RFX7: variants seen among roughly 807,000 people sequenced by gnomAD.
RFX7 encodes regulatory factor X7, also known as DNA-binding protein RFX7.
Under a neutral mutation model 111.8 loss-of-function variants are expected in RFX7, and 26 were observed. That is an observed-to-expected ratio of 0.23 (90% CI 0.17 to 0.32). The LOEUF (loss-of-function observed/expected upper bound fraction) is 0.32, where lower values mean the gene tolerates loss of function less well. RFX7 is among the 10% of genes least tolerant of loss of function. The pLI, the probability that RFX7 is intolerant of heterozygous loss-of-function variation, is 1.00. For synonymous variants in RFX7, 624 were observed against 624.4 expected, an observed-to-expected ratio of 1.00 and a Z score of 0.01; for missense variants, 1,573 against 1,772.9, an observed-to-expected ratio of 0.89 and a Z score of 2.02.
In RFX7 at chr15:56,159,792, G is replaced by A. The variant is rs529243107; in HGVS notation, c.196-15309C>T. 1.6e-4 allele frequency among the ~76,000 whole-genome samples: 25 copies of A among 152,306 alleles called. No individual in the cohort carries two copies. In the Middle Eastern group the frequency reaches 0.01, roughly 62 times the overall value. ...GATGGACTACAGAGAACCAGAGAGAGTTTTAAATGTCTTATTACCAGAACT... is the reference window on the plus strand; with the variant it reads ...GATGGACTACAGAGAACCAGAGAGAATTTTAAATGTCTTATTACCAGAACT... On this transcript the variant is annotated intron_variant, in intron 3 of 9. Transcript: ENST00000559447.
At position 56,093,329 on chromosome 15, in the gene RFX7, T is replaced by C; in HGVS notation, c.*16A>G. 1 of 1,585,744 alleles carries C rather than the reference T, an allele frequency of 6.3e-7. No individual in the cohort carries two copies. Among genetic ancestry groups the C allele is most frequent in the Non-Finnish European group, 8.6e-7 (1 of 1,165,996 alleles). The stretch of plus-strand genomic sequence containing the variant: ...ATGTCTTTAGATACAGTGTGCTACA[T>C]GTTATAAAACACAATTTAACCCAAC... On this transcript the variant is annotated 3_prime_UTR_variant, in exon 10 of 10. Coordinates refer to ENST00000559447, the MANE Select transcript of RFX7 (RefSeq NM_022841.7).
At chr15:56,201,846 C>T (rs753114632) in intron 2 of RFX7, among the ~76,000 whole-genome samples, 10 of 152,138 alleles carry the variant, frequency 6.6e-5, no homozygotes, top group African/African-American at 9.6e-5. Flanking sequence ...CTGGCTAACA[C>T]GGTGAAACCC....
At chr15:56,117,313 G>A (rs1318029757) in intron 5 of RFX7, among the ~76,000 whole-genome samples, 1 of 152,122 alleles carries the variant, frequency 6.6e-6, no homozygotes, top group African/African-American at 2.4e-5. Context: ...GTGTTAGGGT[G>A]GGTGGAGGGT....
intron 2 of RFX7, among the ~76,000 whole-genome samples, chr15:56,212,585 G>A (rs2043323827): frequency 6.6e-6 from 1 of 152,072 alleles, no homozygotes; most frequent in Non-Finnish European, 1.5e-5. Context: ...TAATGGGGAG[G>A]CTATGCATGT....
rs373974122 is a variant in RFX7 at position 56,134,861 on chromosome 15, A to G, written c.401+7917T>C. Reference sequence around the variant, plus strand: ...TCCCCACCTATGAGTGAGAATATGCAGTGTTTGGTTTTTTGTTCTTGCGAT... The same window carrying G: ...TCCCCACCTATGAGTGAGAATATGCGGTGTTTGGTTTTTTGTTCTTGCGAT... On this transcript the variant is annotated intron_variant, in intron 5 of 9. Coordinates refer to ENST00000559447, the MANE Select transcript of RFX7 (RefSeq NM_022841.7). Among the ~76,000 whole-genome samples, 16 of 151,962 alleles carry G rather than the reference A, an allele frequency of 1.1e-4. No homozygotes were observed. In the South Asian group the frequency reaches 1.9e-3, roughly 18 times the overall value.
intron 5 of RFX7, among the ~76,000 whole-genome samples, chr15:56,124,326 G>A (rs1434481249): frequency 6.6e-6 from 1 of 151,944 alleles, no homozygotes; most frequent in Non-Finnish European, 1.5e-5. Context: ...GGAGGCTGAG[G>A]CAGGAGAATG....
At chr15:56,139,704 G>A (rs1457800308) in intron 5 of RFX7, among the ~76,000 whole-genome samples, 3 of 152,106 alleles carry the variant, frequency 2.0e-5, no homozygotes, top group African/African-American at 7.2e-5. Flanking sequence ...GGTTTTTAGA[G>A]TTTCCAGTTT....
rs1399301766 is a variant in RFX7, at chr15:56,110,435, C to G, written c.402-6765G>C. ...GGGGAGGGGGGGTCAGCCCCCCGCC[C>G]GGCCAGCCGCCCCATCCGGGAGGCG... On this transcript the variant is annotated intron_variant, in intron 5 of 9. Coordinates refer to ENST00000559447, the MANE Select transcript of RFX7 (RefSeq NM_022841.7). Among the ~76,000 whole-genome samples the G allele has an allele frequency of 7.9e-4, 99 of 124,724 alleles. 1 individual carries two copies. The highest frequency in any genetic ancestry group is 6.6e-3 in the South Asian group (25 of 3,802). The allele number at this position is 124,724 out of a possible 152,430, so 81.8% of individuals were successfully genotyped here.
At chr15:56,170,569 G>A (rs1244446520) in intron 3 of RFX7, among the ~76,000 whole-genome samples, 3 of 152,138 alleles carry the variant, frequency 2.0e-5, no homozygotes, top group Admixed American at 2.0e-4. Context: ...GGGGCGTGGA[G>A]GGCAAATATT....
In RFX7 at chr15:56,095,326, T is replaced by C. The variant is rs1595919156; in HGVS notation, c.2402A>G (p.Asp801Gly). Residue 801 changes from aspartate to glycine, a missense_variant, in exon 10 of 10, where the codon GAT becomes GGT. Asp to Gly is a moderately conservative substitution (Grantham distance 94). This residue lies in a region of RFX7 where 625 missense variants were observed against 632.2 expected (regional missense o/e 0.99). Transcript: ENST00000559447. The part of the protein sequence containing the change: ...FISASCEQQQ[D>G]ISVMTIPEHS... ...CTCAGGAATTGTCATAACACTGATA[T>C]CTTGCTGTTGTTCACAACTGGCAGA... is the stretch of plus-strand genomic sequence containing the variant. 1 of 1,613,954 alleles carries C rather than the reference T, an allele frequency of 6.2e-7. No homozygotes were observed. The highest frequency in any genetic ancestry group is 8.5e-7 in the Non-Finnish European group (1 of 1,179,858).
At chr15:56,220,847 T>C (rs1487722968) in intron 2 of RFX7, among the ~76,000 whole-genome samples, 3 of 152,238 alleles carry the variant, frequency 2.0e-5, no homozygotes, top group South Asian at 2.1e-4. Flanking sequence ...CTTGAGTTGA[T>C]TTTTGTATAT....
At chr15:56,097,993 T>C in intron 9 of RFX7, 88 bp downstream of exon 9, 2 of 1,219,534 alleles carry the variant, frequency 1.6e-6, no homozygotes, top group Non-Finnish European at 2.4e-6. Flanking sequence ...GCTACTCTTA[T>C]ACCTGCCTTC....
intron 2 of RFX7, among the ~76,000 whole-genome samples, chr15:56,210,820 C>A (rs1229663591): frequency 2.0e-5 from 3 of 151,962 alleles, no homozygotes; most frequent in Non-Finnish European, 4.4e-5. Flanking sequence ...AAATTTATAG[C>A]ACTGAATACA....
At chr15:56,218,144 C>CTTTTTTTTTTTTTTTT (rs869249448) in intron 2 of RFX7, among the ~76,000 whole-genome samples, 1 of 57,974 alleles carries the variant, frequency 1.7e-5, no homozygotes, top group African/African-American at 7.2e-5. Context: ...AAATGATTTT[C>CTTTTTTTTTTTTTTTT]TTTTTTTTTT....
At chr15:56,150,832 T>C (rs7181720) in intron 3 of RFX7, among the ~76,000 whole-genome samples, 148,032 of 152,230 alleles carry the variant, frequency 0.97, 72,109 homozygotes, top group East Asian at 1. Context: ...AAAGGTTAGT[T>C]GAATTGCTAA....
intron 2 of RFX7, among the ~76,000 whole-genome samples, chr15:56,193,595 A>G (rs1408811942): frequency 6.6e-6 from 1 of 152,192 alleles, no homozygotes; most frequent in Non-Finnish European, 1.5e-5. Flanking sequence ...TTTCAGTACC[A>G]TAATTGTGCT....
intron 2 of RFX7, among the ~76,000 whole-genome samples, chr15:56,237,380 T>C (rs7163562): frequency 0.036 from 5,478 of 152,318 alleles, 359 homozygotes; most frequent in African/African-American, 0.12. Flanking sequence ...ACTTTGTATA[T>C]AGCAGATACT....
In RFX7 at chr15:56,095,214, C is replaced by T; in HGVS notation, c.2514G>A (p.Gln838=). The change falls in exon 10 of 10, where the codon CAG becomes CAA. Residue 838 remains glutamine (Q), a synonymous_variant. Transcript: ENST00000559447. ...TTTGATTTAAAGAAGATTCCTGTAT[C>T]TGGCTATGTAGCTGCTGGCTATATG... ...QDTYSQQLHS[Q]IQESSLNQIQ... 6.2e-7 allele frequency: 1 copy of T among 1,613,930 alleles called. No homozygotes were observed. Among genetic ancestry groups the T allele is most frequent in the Non-Finnish European group, 8.5e-7 (1 of 1,179,828 alleles).
chr15:56,193,490 T>C (rs1028941579), intron 2 of RFX7, among the ~76,000 whole-genome samples: 4 of 152,238 alleles, frequency 2.6e-5, no homozygotes, highest in Non-Finnish European at 5.9e-5. Context: ...ATGACAGGCA[T>C]TGAACTTCCT....
Sources: gnomAD v4.1 joint callset for allele counts (sites outside exome capture counted in the v4.1 genomes callset) on GRCh38, gnomAD v4.1.1 for gene constraint, gnomAD v4.1.1 regional missense constraint, MANE v1.5 for transcripts, NCBI Gene and HGNC (gene_info 2026-07-23, HGNC 2026-07-21) for gene names.